Variants in XRCC6 observed in about 807,000 individuals in gnomAD.
The protein encoded by XRCC6 is X-ray repair cross complementing 6, also known as DNA repair protein Ku70.
In XRCC6, 5 loss-of-function variants were observed where a neutral mutation model predicts 65.7. The ratio of observed to expected loss-of-function variants is 0.08; its 90% CI spans 0.04 to 0.16. The LOEUF is 0.16. Ranked by LOEUF, XRCC6 falls within the 10% of genes least tolerant of loss-of-function variation. The pLI, the probability that XRCC6 is intolerant of heterozygous loss-of-function variation, is 1.00. For missense variants in XRCC6, 447 were observed against 738.1 expected (o/e 0.61, Z 4.57); for synonymous variants, 270 against 270.6 (o/e 1.00, Z 0.02).
intron 7 of XRCC6, among the ~76,000 whole-genome samples, chr22:41,648,927 T>A (rs368844040): frequency 6.6e-6 from 1 of 151,898 alleles, no homozygotes; most frequent in African/African-American, 2.4e-5. Flanking sequence ...AATCTGCTAC[T>A]AAGCTGTTAT....
intron 6 of XRCC6, among the ~76,000 whole-genome samples, chr22:41,644,293 C>T (rs984058420): frequency 6.6e-6 from 1 of 152,174 alleles, no homozygotes; most frequent in African/African-American, 2.4e-5. Flanking sequence ...AAGGAACATA[C>T]TTTATGGGAT....
intron 8 of XRCC6, among the ~76,000 whole-genome samples, chr22:41,651,359 AGATTTTTTTTTTTTT>A (rs1569094441): frequency 1.8e-4 from 22 of 120,454 alleles, no homozygotes; most frequent in Non-Finnish European, 2.8e-4. Flanking sequence ...AAAGTTAAAC[AGATTTTTTTTTTTTT>A]TTTTTTTTTT....
chr22:41,656,849 A>G, intron 9 of XRCC6, 54 bp from the exon 10 acceptor site: 2 of 1,608,772 alleles, frequency 1.2e-6, no homozygotes, highest in East Asian at 4.5e-5. Flanking sequence ...GCTGAGAAAC[A>G]AGTGACTGCA....
chr22:41,663,351 G>A (rs1022621281), intron 12 of XRCC6, among the ~76,000 whole-genome samples: 4 of 152,190 alleles, frequency 2.6e-5, no homozygotes, highest in African/African-American at 7.2e-5. Context: ...AAGGAAGGAA[G>A]GAATGACTTA....
intron 2 of XRCC6, among the ~76,000 whole-genome samples, chr22:41,624,201 A>G (rs2067643179): frequency 6.6e-6 from 1 of 151,986 alleles, no homozygotes; most frequent in Non-Finnish European, 1.5e-5. Context: ...CCTGGCCAAC[A>G]TGGCAAAACC....
At position 41,663,933 on chromosome 22, in the gene XRCC6, G is replaced by A; in HGVS notation, c.*118G>A. ...GAAGAGTCTACCCGACATAAGTCGA[G>A]GGACTTTATGTTTTTGAGGCTTTCT... On this transcript the variant is annotated 3_prime_UTR_variant, in exon 13 of 13. Transcript: ENST00000360079. 2.7e-6 allele frequency: 3 copies of A among 1,128,870 alleles called. No individual in the cohort carries two copies. The highest frequency in any genetic ancestry group is 3.7e-6 in the Non-Finnish European group (3 of 802,880). 69.9% of individuals were successfully genotyped at this position (1,128,870 alleles called of 1,614,324 possible).
At chr22:41,642,106 T>C (rs1446303867) in intron 6 of XRCC6, among the ~76,000 whole-genome samples, 2 of 152,210 alleles carry the variant, frequency 1.3e-5, no homozygotes, top group African/African-American at 2.4e-5. Flanking sequence ...CATTCTTCTT[T>C]TGATGGACAC....
At chr22:41,653,501 G>A (rs760498058) in intron 8 of XRCC6, 28 bp from the exon 9 acceptor site, 13 of 1,551,236 alleles carry the variant, frequency 8.4e-6, no homozygotes, top group Non-Finnish European at 1.1e-5. Context: ...TTTTTAGGAG[G>A]CTAGTCACTG....
intron 10 of XRCC6, among the ~76,000 whole-genome samples, chr22:41,657,874 A>T (rs893364835): frequency 2.6e-5 from 4 of 151,932 alleles, no homozygotes; most frequent in African/African-American, 9.7e-5. Flanking sequence ...TCCAGGCTGG[A>T]GTACCGTGGC....
At chr22:41,635,695 A>G (rs1443010387) in intron 3 of XRCC6, among the ~76,000 whole-genome samples, 1 of 124,392 alleles carries the variant, frequency 8.0e-6, no homozygotes, top group Non-Finnish European at 1.8e-5. Context: ...TGCCATGCCC[A>G]GCTAATTTTT....
intron 1 of XRCC6, 149 bp from the exon 2 acceptor site, chr22:41,621,841 C>T (rs1443951172): frequency 1.5e-6 from 1 of 677,680 alleles, no homozygotes; most frequent in Non-Finnish European, 2.5e-6. Context: ...TACATGCAGT[C>T]CGACTGCCGA....
chr22:41,640,291 G>A (rs1330791807), intron 6 of XRCC6, among the ~76,000 whole-genome samples: 1 of 152,048 alleles, frequency 6.6e-6, no homozygotes, highest in Non-Finnish European at 1.5e-5. Flanking sequence ...TGGGACTACA[G>A]GCACCCGCCA....
intron 11 of XRCC6, among the ~76,000 whole-genome samples, chr22:41,659,448 C>T (rs908355156): frequency 5.3e-5 from 8 of 152,024 alleles, no homozygotes; most frequent in Non-Finnish European, 1.0e-4. Flanking sequence ...CCTTGTGATC[C>T]GCCCGCCTTG....
At chr22:41,645,172 G>A (rs1411778876) in intron 6 of XRCC6, among the ~76,000 whole-genome samples, 1 of 151,688 alleles carries the variant, frequency 6.6e-6, no homozygotes, top group Non-Finnish European at 1.5e-5. Flanking sequence ...GTGGTGGTGG[G>A]TGCCTGTAAT....
At chr22:41,639,491 G>T (rs1368214828) in intron 6 of XRCC6, among the ~76,000 whole-genome samples, 1 of 150,792 alleles carries the variant, frequency 6.6e-6, no homozygotes, top group African/African-American at 2.4e-5. Flanking sequence ...GTGCCACCAT[G>T]CTCTGCTGAT....
At chr22:41,654,999 CTGTT>C (rs2068031811) in intron 9 of XRCC6, among the ~76,000 whole-genome samples, 3 of 152,212 alleles carry the variant, frequency 2.0e-5, no homozygotes, top group Admixed American at 2.0e-4. Flanking sequence ...CAGGAATCAT[CTGTT>C]TGTTCAGCAT....
At chr22:41,659,306 T>C (rs967543967) in intron 11 of XRCC6, among the ~76,000 whole-genome samples, 1 of 152,078 alleles carries the variant, frequency 6.6e-6, no homozygotes, top group East Asian at 1.9e-4. Context: ...CTTAGGCAAA[T>C]TCAGAAGTCG....
chr22:41,655,327 GTTT>G (rs200998071), intron 9 of XRCC6, among the ~76,000 whole-genome samples: 2 of 141,272 alleles, frequency 1.4e-5, no homozygotes, highest in Non-Finnish European at 1.6e-5. Flanking sequence ...ATTCATTTTA[GTTT>G]TTTTTTTTTT....
At chr22:41,639,722 G>C (rs1192545366) in intron 6 of XRCC6, among the ~76,000 whole-genome samples, 4 of 130,326 alleles carry the variant, frequency 3.1e-5, no homozygotes, top group African/African-American at 1.2e-4. Flanking sequence ...GAGTGCAGTG[G>C]TGCGGTCTCA....
Sources: gnomAD v4.1 joint callset for allele counts (sites outside exome capture counted in the v4.1 genomes callset) on GRCh38, gnomAD v4.1.1 for gene constraint, MANE v1.5 for transcripts, NCBI Gene and HGNC (gene_info 2026-07-23, HGNC 2026-07-21) for gene names.